Variants in CCDC6 observed in about 807,000 individuals in gnomAD.
CCDC6 encodes the protein coiled-coil domain containing 6.
In CCDC6, 20 loss-of-function variants were observed where a neutral mutation model predicts 56.6. The observed-to-expected ratio is 0.35, with a 90% CI of 0.25 to 0.51. The LOEUF is 0.51. CCDC6 is among the 20% of genes least tolerant of loss of function. The probability of loss-of-function intolerance (pLI) is 0.95; values close to 1 mark genes in which losing one functional copy is unlikely to be tolerated. For synonymous variants in CCDC6, 241 were observed against 234.4 expected (o/e 1.03, Z -0.26); for missense variants, 367 against 601.1 (o/e 0.61, Z 4.07).
intron 1 of CCDC6, among the ~76,000 whole-genome samples, chr10:59,861,150 C>T (rs1284693714): frequency 1.3e-5 from 2 of 152,050 alleles, no homozygotes; most frequent in South Asian, 4.2e-4. Context: ...TTGCATTCCA[C>T]CCTGGGTGAT....
At chr10:59,882,095 G>C (rs1236422374) in intron 1 of CCDC6, among the ~76,000 whole-genome samples, 596 of 11,152 alleles carry the variant, frequency 0.053, no homozygotes, top group African/African-American at 0.068. Context: ...AGGAAAGCCG[G>C]GGGGAGAAGG....
intron 3 of CCDC6, among the ~76,000 whole-genome samples, chr10:59,831,942 T>G (rs2070838538): frequency 6.6e-6 from 1 of 152,230 alleles, no homozygotes; most frequent in Non-Finnish European, 1.5e-5. Flanking sequence ...GGTTTTAGTC[T>G]GTCCTGCTCT....
At chr10:59,814,147 T>A (rs918697978) in intron 4 of CCDC6, among the ~76,000 whole-genome samples, 5 of 152,204 alleles carry the variant, frequency 3.3e-5, no homozygotes, top group Non-Finnish European at 1.5e-5. Flanking sequence ...CACTTCCAAG[T>A]ACATACATTT....
In CCDC6 at chr10:59,792,774, T is replaced by G; in HGVS notation, c.*143A>C. Reference sequence around the variant, plus strand: ...CACTGGCTGCATTTCTGACAAACATTTACAACACAATGGATAGTGAAGCCT... The same window carrying G: ...CACTGGCTGCATTTCTGACAAACATGTACAACACAATGGATAGTGAAGCCT... On this transcript the variant is annotated 3_prime_UTR_variant, in exon 9 of 9. Coordinates refer to ENST00000263102, the MANE Select transcript of CCDC6 (RefSeq NM_005436.5). 1 of 910,092 alleles carries G rather than the reference T, an allele frequency of 1.1e-6. No individual in the cohort carries two copies. Among genetic ancestry groups the G allele is most frequent in the East Asian group, 2.4e-5 (1 of 41,718 alleles). 56.4% of individuals were successfully genotyped at this position (910,092 alleles called of 1,614,324 possible). A position where few individuals can be genotyped will look rare whatever the true frequency, so the allele number is the denominator to read the frequency against.
In CCDC6 at chr10:59,788,776, AT is replaced by A. The variant is rs2070441317; in HGVS notation, c.*4140del. ...AGGCTCAAGAGGTACATTTTAAAAA[AT>A]TATCTTTATTTAGGTTTCTGATTCA... On this transcript the variant is annotated 3_prime_UTR_variant, in exon 9 of 9. Coordinates refer to ENST00000263102, the MANE Select transcript of CCDC6 (RefSeq NM_005436.5). The A allele has an allele frequency of 5.4e-6, 1 of 185,406 alleles. No individual in the cohort carries two copies. Among genetic ancestry groups the A allele is most frequent in the Non-Finnish European group, 1.1e-5 (1 of 87,616 alleles). 11.5% of individuals were successfully genotyped at this position (185,406 alleles called of 1,614,324 possible). A position where few individuals can be genotyped will look rare whatever the true frequency, so the allele number is the denominator to read the frequency against.
intron 1 of CCDC6, among the ~76,000 whole-genome samples, chr10:59,892,536 C>A (rs2132683293): frequency 6.6e-6 from 1 of 152,264 alleles, no homozygotes; most frequent in African/African-American, 2.4e-5. Context: ...GCTCAGCTTT[C>A]AAGAGGTTAT....
chr10:59,814,649 A>C lies in CCDC6; in HGVS notation c.686+3T>G, dbSNP rs779113078. The C allele has an allele frequency of 3.8e-6, 6 of 1,598,618 alleles. No homozygotes were observed. The highest frequency in any genetic ancestry group is 5.1e-6 in the Non-Finnish European group (6 of 1,166,134). On this transcript the variant is annotated splice_donor_region_variant and intron_variant, in intron 4 of 8. Transcript: ENST00000263102. ...CCATACTGAACAGCAAGACTAAACAAACCGCTTTTCAGCTTCAAGCTTATC... is the reference window on the plus strand; with the variant it reads ...CCATACTGAACAGCAAGACTAAACACACCGCTTTTCAGCTTCAAGCTTATC...
Position 59,906,453 on chromosome 10 carries a change from G to GAGC in CCDC6, c.-32_-30dup, listed in dbSNP as rs754856539. The GAGC allele has an allele frequency of 6.8e-7, 1 of 1,461,596 alleles. No homozygotes were observed. Among genetic ancestry groups the GAGC allele is most frequent in the South Asian group, 1.4e-5 (1 of 69,744 alleles). 90.5% of individuals were successfully genotyped at this position (1,461,596 alleles called of 1,614,324 possible). A position where few individuals can be genotyped will look rare whatever the true frequency, so the allele number is the denominator to read the frequency against. ...CGCGGCGGGCTGGGGAAAGGAGGAG[G>GAGC]AGCAGCAGGGAGGCGGCGGCGACGA... On this transcript the variant is annotated 5_prime_UTR_variant, in exon 1 of 9. Transcript: ENST00000263102.
chr10:59,832,688 G>A (rs750127211), intron 2 of CCDC6, 35 bp from the exon 3 acceptor site: 1 of 1,605,600 alleles, frequency 6.2e-7, no homozygotes, highest in East Asian at 2.2e-5. Flanking sequence ...GTGGAAATCA[G>A]GCAACTCAAA....
intron 1 of CCDC6, among the ~76,000 whole-genome samples, chr10:59,904,811 C>T (rs960299766): frequency 3.3e-5 from 5 of 152,226 alleles, no homozygotes; most frequent in Non-Finnish European, 5.9e-5. Context: ...GCTTTCTACA[C>T]AAATTAAGAA....
At chr10:59,819,548 A>T (rs888693254) in intron 3 of CCDC6, among the ~76,000 whole-genome samples, 4 of 152,194 alleles carry the variant, frequency 2.6e-5, no homozygotes, top group Non-Finnish European at 5.9e-5. Flanking sequence ...CAGTTCCGCC[A>T]ATTAAAACAG....
chr10:59,894,183 G>T (rs1414078249), intron 1 of CCDC6, among the ~76,000 whole-genome samples: 1 of 152,210 alleles, frequency 6.6e-6, no homozygotes, highest in African/African-American at 2.4e-5. Flanking sequence ...TGAGTAGCCA[G>T]AGTGGATTTC....
At chr10:59,793,651 C>G (rs2070486902) in intron 8 of CCDC6, among the ~76,000 whole-genome samples, 1 of 152,022 alleles carries the variant, frequency 6.6e-6, no homozygotes. Context: ...AGGTGTGGTG[C>G]CGTGTGCCTG....
intron 2 of CCDC6, among the ~76,000 whole-genome samples, chr10:59,845,861 C>T (rs1375435002): frequency 6.6e-6 from 1 of 152,216 alleles, no homozygotes; most frequent in Non-Finnish European, 1.5e-5. Flanking sequence ...CAGGGAGAAC[C>T]AAGGTTTCAT....
intron 6 of CCDC6, chr10:59,806,618 C>T: frequency 3.5e-6 from 1 of 288,912 alleles, no homozygotes; most frequent in Non-Finnish European, 6.6e-6. Flanking sequence ...AGATATGACA[C>T]TGGATTAAAC....
chr10:59,851,547 T>A (rs1238545422), intron 2 of CCDC6, among the ~76,000 whole-genome samples: 2 of 152,152 alleles, frequency 1.3e-5, no homozygotes, highest in Non-Finnish European at 2.9e-5. Flanking sequence ...CATGTTATGG[T>A]CTTAACATTA....
At chr10:59,878,858 G>A (rs2132673438) in intron 1 of CCDC6, among the ~76,000 whole-genome samples, 1 of 152,184 alleles carries the variant, frequency 6.6e-6, no homozygotes, top group Middle Eastern at 3.4e-3. Context: ...TCATAGGCAA[G>A]GAATTATTTA....
chr10:59,893,656 A>G (rs2071441287), intron 1 of CCDC6, among the ~76,000 whole-genome samples: 1 of 138,580 alleles, frequency 7.2e-6, no homozygotes, highest in Non-Finnish European at 1.6e-5. Context: ...ACATACATAC[A>G]TACATACATA....
chr10:59,885,925 C>CAA (rs2071380470), intron 1 of CCDC6, among the ~76,000 whole-genome samples: 1 of 129,048 alleles, frequency 7.7e-6, no homozygotes, highest in African/African-American at 3.2e-5. Flanking sequence ...GCCCCCCGCC[C>CAA]CCCCAACTAG....
Sources: allele counts gnomAD v4.1 joint callset (sites outside exome capture counted in the v4.1 genomes callset), GRCh38; gene constraint gnomAD v4.1.1; transcripts MANE v1.5; gene names NCBI Gene and HGNC (gene_info 2026-07-23, HGNC 2026-07-21).